MICAL2: variants seen among roughly 807,000 people sequenced by gnomAD.
MICAL2 encodes the protein [F-actin]-monooxygenase MICAL2.
Under a neutral mutation model 127.3 loss-of-function variants are expected in MICAL2, and 77 were observed. The observed-to-expected ratio is 0.60, with a 90% confidence interval of 0.50 to 0.73. The LOEUF (loss-of-function observed/expected upper bound fraction) is 0.73. Among genes scored for constraint, MICAL2 ranks in the 30% least tolerant of loss-of-function variants. MICAL2 has a pLI of 0.00. For synonymous variants in MICAL2, 570 were observed against 551.1 expected (o/e 1.03, Z -0.48); for missense variants, 1,351 against 1,434.4 (o/e 0.94, Z 0.94).
At position 12,227,008 on chromosome 11, in the gene MICAL2, G is replaced by A. The variant is rs776372080; in HGVS notation, c.1889-17G>A. The A allele has an allele frequency of 2.1e-5, 34 of 1,599,732 alleles. No homozygotes were observed. The highest frequency in any genetic ancestry group is 4.5e-5 in the East Asian group (2 of 44,816). Reference sequence around the variant, plus strand: ...GAGCCAGGTTCCAAATCACAGTTGCGCTTTATTTCCCAACAGATTCTTGGC... The same window carrying A: ...GAGCCAGGTTCCAAATCACAGTTGCACTTTATTTCCCAACAGATTCTTGGC... On this transcript the variant is annotated splice_polypyrimidine_tract_variant and intron_variant, in intron 14 of 27. Coordinates refer to ENST00000683283, the MANE Select transcript of MICAL2 (RefSeq NM_001282663.2).
rs1192341265 is a variant in MICAL2, at chr11:12,222,722, A to T, written c.1428A>T (p.Ser476=). Residue 476 remains serine, a synonymous_variant, in exon 11 of 28, where the codon TCA becomes TCT. Transcript: ENST00000683283. ...DPGTRYPNLN[S]HCVRPHQVKH... ...GGACACGGTACCCAAACCTCAACTCACACTGTGTCAGGCCCCATCAGGCAA... is the reference window on the plus strand; with the variant it reads ...GGACACGGTACCCAAACCTCAACTCTCACTGTGTCAGGCCCCATCAGGCAA... 2 of 1,613,674 alleles carry T rather than the reference A, an allele frequency of 1.2e-6. No homozygotes were observed. Among genetic ancestry groups the T allele is most frequent in the South Asian group, 2.2e-5 (2 of 91,066 alleles).
At chr11:12,180,339 A>ATC in intron 3 of MICAL2, among the ~76,000 whole-genome samples, 1 of 134,224 alleles carries the variant, frequency 7.5e-6, no homozygotes, top group Non-Finnish European at 1.5e-5. Flanking sequence ...ATACATGTAT[A>ATC]TATGTATATA....
intron 24 of MICAL2, chr11:12,257,327 C>G (rs370998743): frequency 1.4e-5 from 3 of 221,728 alleles, no homozygotes; most frequent in Non-Finnish European, 8.8e-6. Context: ...CAGCACCACA[C>G]CTGGCATGCA....
intron 2 of MICAL2, among the ~76,000 whole-genome samples, chr11:12,140,535 T>G (rs1413277454): frequency 6.7e-6 from 1 of 150,322 alleles, no homozygotes; most frequent in Non-Finnish European, 1.5e-5. Context: ...CAACCATAAG[T>G]GGACCCTCTT....
chr11:12,302,976 G>A (rs1243787369), intron 29 of MICAL2, among the ~76,000 whole-genome samples: 1 of 152,202 alleles, frequency 6.6e-6, no homozygotes, highest in East Asian at 1.9e-4. Context: ...GAGGCCCCAG[G>A]AAATTTACAA....
chr11:12,236,120 TG>T, intron 15 of MICAL2, 56 bp from the exon 16 acceptor site: 3 of 1,466,716 alleles, frequency 2.0e-6, no homozygotes, highest in Non-Finnish European at 2.9e-6. Context: ...GGGATCTTAG[TG>T]GGACTGAAGC....
chr11:12,326,777 T>C (rs959337160), intron 31 of MICAL2, among the ~76,000 whole-genome samples: 2 of 152,180 alleles, frequency 1.3e-5, no homozygotes, highest in Admixed American at 1.3e-4. Context: ...AAGTACTTTG[T>C]TTGCCCCTGG....
intron 3 of MICAL2, among the ~76,000 whole-genome samples, chr11:12,181,107 A>C (rs902538238): frequency 2.6e-5 from 4 of 151,826 alleles, no homozygotes; most frequent in African/African-American, 4.8e-5. Flanking sequence ...CCATGCCTGG[A>C]TAATTTTTCT....
chr11:12,113,791 AG>A (rs1223398438), intron 1 of MICAL2, among the ~76,000 whole-genome samples: 3 of 152,048 alleles, frequency 2.0e-5, no homozygotes, highest in Admixed American at 1.3e-4. Context: ...GTACTATCCA[AG>A]GTTTCAGGCA....
At chr11:12,224,640 A>G in intron 12 of MICAL2, 33 bp from the exon 13 acceptor site, 1 of 1,604,150 alleles carries the variant, frequency 6.2e-7, no homozygotes, top group Non-Finnish European at 8.5e-7. Context: ...AGATTCCTGC[A>G]GAGCCTCACT....
chr11:12,289,002 T>G (rs1055162584), downstream of MICAL2, among the ~76,000 whole-genome samples: 3 of 152,236 alleles, frequency 2.0e-5, no homozygotes, highest in African/African-American at 7.2e-5. Context: ...CCAGAGGCAT[T>G]ACTGCCCCAT....
chr11:12,217,412 G>A (rs1385691516), intron 8 of MICAL2, among the ~76,000 whole-genome samples: 2 of 152,196 alleles, frequency 1.3e-5, no homozygotes, highest in Non-Finnish European at 2.9e-5. Context: ...GTGAATGCGG[G>A]CTTGGTGAAG....
chr11:12,169,547 G>A (rs112783744), intron 3 of MICAL2, among the ~76,000 whole-genome samples: 11 of 152,158 alleles, frequency 7.2e-5, no homozygotes, highest in African/African-American at 2.2e-4. Context: ...AACCATGCCC[G>A]GCTAACTTTG....
intron 3 of MICAL2, among the ~76,000 whole-genome samples, chr11:12,193,753 T>G (rs1217765040): frequency 6.6e-6 from 1 of 152,236 alleles, no homozygotes; most frequent in Non-Finnish European, 1.5e-5. Flanking sequence ...TGGATTCAGA[T>G]GCCAGTTCCT....
chr11:12,347,820 C>A (rs138251784), intron 32 of MICAL2, among the ~76,000 whole-genome samples: 1 of 151,974 alleles, frequency 6.6e-6, no homozygotes, highest in African/African-American at 2.4e-5. Flanking sequence ...AACTCCTGTG[C>A]AGATACTAAA....
intron 32 of MICAL2, among the ~76,000 whole-genome samples, chr11:12,340,421 T>C (rs1006580460): frequency 6.6e-6 from 1 of 152,218 alleles, no homozygotes; most frequent in Non-Finnish European, 1.5e-5. Context: ...AGGTGCACTC[T>C]TATTCAATGT....
At chr11:12,249,373 G>A (rs1177851124) in intron 22 of MICAL2, 127 bp downstream of exon 22, 3 of 632,966 alleles carry the variant, frequency 4.7e-6, no homozygotes, top group South Asian at 3.9e-5. Flanking sequence ...ACCAGGGGAC[G>A]AAGGTGGGCA....
In MICAL2 at chr11:12,242,455, G is replaced by A. The variant is rs369308156; in HGVS notation, c.2556+23G>A. The A allele has an allele frequency of 2.1e-4, 328 of 1,581,668 alleles. 1 individual carries two copies. The highest frequency in any genetic ancestry group is 3.7e-4 in the South Asian group (32 of 86,510). Reference sequence around the variant, plus strand: ...CAGGTGAGAGACTCACTTTTTGCCCGTCTCTGTCCGTGTCTGGGTGACTTC... The same window carrying A: ...CAGGTGAGAGACTCACTTTTTGCCCATCTCTGTCCGTGTCTGGGTGACTTC... On this transcript the variant is annotated intron_variant, in intron 19 of 27. Transcript: ENST00000683283.
chr11:12,358,487 C>T (rs555226376), downstream of MICAL2: 170 of 1,612,060 alleles, frequency 1.1e-4, 3 homozygotes, highest in South Asian at 1.8e-3. Context: ...TGAGGAGGCC[C>T]GTAGTCCCTC....
Sources: allele counts gnomAD v4.1 joint callset (sites outside exome capture counted in the v4.1 genomes callset), GRCh38; gene constraint gnomAD v4.1.1; transcripts MANE v1.5; gene names NCBI Gene and HGNC (gene_info 2026-07-23, HGNC 2026-07-21).